Variants in WASHC2C observed in about 807,000 individuals in gnomAD.
The protein encoded by WASHC2C is Vaccinia Penetration Factor.
Under a neutral mutation model 142.2 loss-of-function variants are expected in WASHC2C, and 73 were observed. The ratio of observed to expected loss-of-function variants is 0.51; its 90% CI spans 0.43 to 0.62. The LOEUF (loss-of-function observed/expected upper bound fraction) is 0.62. Among genes scored for constraint, WASHC2C ranks in the 20% least tolerant of loss-of-function variants. The pLI, the probability that WASHC2C is intolerant of heterozygous loss-of-function variation, is 0.00. For missense variants in WASHC2C, 969 were observed against 1,531.7 expected, an observed-to-expected ratio of 0.63 and a Z score of 6.13; for synonymous variants, 337 against 565.5, an observed-to-expected ratio of 0.60 and a Z score of 5.73.
rs1480647164 is a variant in WASHC2C, at chr10:45,743,386, A to G, written c.529-4A>G. 1.2e-6 allele frequency: 2 copies of G among 1,611,984 alleles called. No individual in the cohort carries two copies. Among genetic ancestry groups the G allele is most frequent in the Admixed American group, 1.7e-5 (1 of 60,008 alleles). ...TGACAGCCTATTCCTTTCATCATGT[A>G]CAGGATCTATACATTGATCGTCCTT... On this transcript the variant is annotated splice_polypyrimidine_tract_variant and splice_region_variant and intron_variant, in intron 5 of 30. Coordinates refer to ENST00000623400, the MANE Select transcript of WASHC2C (RefSeq NM_001330074.2).
rs139735516 is a variant in WASHC2C, at chr10:45,734,359, C to CTGTGTGTGTG, written c.292-3606_292-3597dup. Among the ~76,000 whole-genome samples the CTGTGTGTGTG allele has an allele frequency of 7.4e-5, 11 of 148,156 alleles. No individual in the cohort carries two copies. The East Asian group carries it at 9.9e-4, about 13-fold the overall frequency. On this transcript the variant is annotated intron_variant, in intron 3 of 30. Transcript: ENST00000623400. ...TTTAACTTTAACCTTTTCTAGATGA[C>CTGTGTGTGTG]TGTGTGTGTGTGTGTGTGTGTGTGT... is the stretch of plus-strand genomic sequence containing the variant.
intron 17 of WASHC2C, among the ~76,000 whole-genome samples, chr10:45,761,606 C>T (rs2055094084): frequency 6.6e-6 from 1 of 152,124 alleles, no homozygotes; most frequent in Non-Finnish European, 1.5e-5. Context: ...AAGCTTTGGA[C>T]CCAAAGGAAT....
At chr10:45,752,117 A>G (rs1263787914) in intron 11 of WASHC2C, among the ~76,000 whole-genome samples, 3 of 152,362 alleles carry the variant, frequency 2.0e-5, no homozygotes, top group African/African-American at 7.2e-5. Context: ...TTAGAAGTAT[A>G]GAAACTTAGG....
chr10:45,744,571 C>T (rs1364466872), intron 6 of WASHC2C, among the ~76,000 whole-genome samples: 2 of 152,060 alleles, frequency 1.3e-5, no homozygotes, highest in African/African-American at 2.4e-5. Flanking sequence ...TTTTTATGAC[C>T]CTGACATCTT....
intron 18 of WASHC2C, among the ~76,000 whole-genome samples, chr10:45,764,804 C>T (rs1195638004): frequency 1.3e-5 from 2 of 152,396 alleles, no homozygotes; most frequent in South Asian, 2.1e-4. Flanking sequence ...TGCAGAGTGC[C>T]GGCACATAAT....
chr10:45,752,338 C>T (rs565470448), intron 11 of WASHC2C, among the ~76,000 whole-genome samples: 3 of 152,412 alleles, frequency 2.0e-5, no homozygotes, highest in Admixed American at 6.5e-5. Flanking sequence ...AGGGTGCTGG[C>T]CTAGAGAATG....
intron 16 of WASHC2C, among the ~76,000 whole-genome samples, chr10:45,757,748 A>C (rs1391565167): frequency 1.3e-5 from 2 of 152,194 alleles, no homozygotes; most frequent in Admixed American, 1.3e-4. Context: ...TGCAACCTGC[A>C]ATCTAGATCC....
intron 13 of WASHC2C, among the ~76,000 whole-genome samples, chr10:45,754,084 T>C (rs1237448268): frequency 2.0e-5 from 3 of 152,042 alleles, no homozygotes; most frequent in Non-Finnish European, 4.4e-5. Flanking sequence ...TTTTTACTGA[T>C]GACTCACATG....
At position 45,757,234 on chromosome 10, in the gene WASHC2C, T is replaced by G. The variant is rs1342374894; in HGVS notation, c.1548+95T>G. The G allele has an allele frequency of 2.5e-6, 4 of 1,578,684 alleles. No homozygotes were observed. The African/African-American group carries it at 5.5e-5, about 22-fold the overall frequency. ...GAGGGAAGTACTGTTCCCTTTCACG[T>G]TCATATTGAAGAACTTCAAACAGAA... On this transcript the variant is annotated intron_variant, in intron 16 of 30. Transcript: ENST00000623400.
At chr10:45,792,167 G>T in intron 30 of WASHC2C, 94 bp from the exon 31 acceptor site, 1 of 1,317,858 alleles carries the variant, frequency 7.6e-7, no homozygotes, top group South Asian at 1.3e-5. Flanking sequence ...ATGCTGTTAC[G>T]AGAGCTGGGT....
At position 45,788,882 on chromosome 10, in the gene WASHC2C, G is replaced by A; in HGVS notation, c.3099G>A (p.Lys1033=). The change falls in exon 29 of 31, where the codon AAG becomes AAA. Residue 1033 remains lysine, a synonymous_variant. Transcript: ENST00000623400. ...TTTTGCCGTTGCAGAGCCGTGTCAA[G>A]ATGAGAGGGAAGCGTAGACCGCAGA... ...TLHSANKSRV[K]MRGKRRPQTR... 1 of 1,612,000 alleles carries A rather than the reference G, an allele frequency of 6.2e-7. No individual in the cohort carries two copies. Among genetic ancestry groups the A allele is most frequent in the Non-Finnish European group, 8.5e-7 (1 of 1,179,880 alleles).
At position 45,791,967 on chromosome 10, in the gene WASHC2C, G is replaced by A. The variant is rs1381599556; in HGVS notation, c.3887-294G>A. On this transcript the variant is annotated intron_variant, in intron 30 of 30. Transcript: ENST00000623400. ...GTCCATTGTCCCTGATGGTAGGGGC[G>A]TGGGCTGGTTTGGAGATCAAGTTAC... 1.1e-3 allele frequency among the ~76,000 whole-genome samples: 165 copies of A among 145,868 alleles called. 17 individuals carry two copies. The highest frequency in any genetic ancestry group is 3.8e-3 in the African/African-American group (152 of 40,008).
intron 8 of WASHC2C, among the ~76,000 whole-genome samples, chr10:45,748,909 C>A (rs551636310): frequency 1.3e-5 from 2 of 152,278 alleles, no homozygotes; most frequent in South Asian, 4.1e-4. Context: ...CATTCCAAGT[C>A]TGTTTCTTTG....
At chr10:45,729,467 A>C (rs1329905953) in intron 3 of WASHC2C, among the ~76,000 whole-genome samples, 2 of 152,228 alleles carry the variant, frequency 1.3e-5, no homozygotes, top group African/African-American at 2.4e-5. Context: ...ATTCTCAACT[A>C]AAGTTTATGA....
rs542201465 is a variant in WASHC2C, at chr10:45,786,121, C to T, written c.2811+490C>T. ...GACTGGAGAGCGAGTGACAGTTCCA[C>T]GTGCAGGTGTCCCAGGGTGTCTCAC... On this transcript the variant is annotated intron_variant, in intron 26 of 30. Coordinates refer to ENST00000623400, the MANE Select transcript of WASHC2C (RefSeq NM_001330074.2). Among the ~76,000 whole-genome samples, 94 of 152,268 alleles carry T rather than the reference C, an allele frequency of 6.2e-4. No homozygotes were observed. The East Asian group carries it at 7.9e-3, about 13-fold the overall frequency.
intron 17 of WASHC2C, among the ~76,000 whole-genome samples, chr10:45,763,126 T>G (rs1159500706): frequency 6.6e-6 from 1 of 152,098 alleles, no homozygotes; most frequent in Non-Finnish European, 1.5e-5. Flanking sequence ...CTTCTGTCAT[T>G]CAGGTGGGAA....
chr10:45,779,695 G>A (rs1214695842), intron 23 of WASHC2C, among the ~76,000 whole-genome samples: 1 of 152,042 alleles, frequency 6.6e-6, no homozygotes, highest in Non-Finnish European at 1.5e-5. Flanking sequence ...AATAAAAATA[G>A]GTGATGGTCA....
rs187724651 is a variant in WASHC2C, at chr10:45,749,902, T to C, written c.733-194T>C. ...ATTTTATATATATTTTTATATATTTTTTTTCTTAGATTCAAAGTAAATCTT... is the reference window on the plus strand; with the variant it reads ...ATTTTATATATATTTTTATATATTTCTTTTCTTAGATTCAAAGTAAATCTT... On this transcript the variant is annotated intron_variant, in intron 8 of 30. Coordinates refer to ENST00000623400, the MANE Select transcript of WASHC2C (RefSeq NM_001330074.2). Among the ~76,000 whole-genome samples the C allele has an allele frequency of 8.9e-5, 13 of 145,440 alleles. No homozygotes were observed. In the East Asian group the frequency reaches 2.2e-3, roughly 24 times the overall value.
chr10:45,776,832 A>G (rs1208010139), intron 21 of WASHC2C, among the ~76,000 whole-genome samples: 1 of 115,804 alleles, frequency 8.6e-6, no homozygotes, highest in East Asian at 2.9e-4. Flanking sequence ...AGAATGGGGT[A>G]TCTGCTGAGT....
Sources: gnomAD v4.1 joint callset for allele counts (sites outside exome capture counted in the v4.1 genomes callset) on GRCh38, gnomAD v4.1.1 for gene constraint, MANE v1.5 for transcripts, NCBI Gene and HGNC (gene_info 2026-07-23, HGNC 2026-07-21) for gene names.